Variants in PREX1 observed in about 807,000 individuals in gnomAD.
The protein encoded by PREX1 is phosphatidylinositol-3,4,5-trisphosphate dependent Rac exchange factor 1.
PREX1 carries 41 observed loss-of-function variants against 198.3 expected under a neutral mutation model. The ratio of observed to expected loss-of-function variants is 0.21; its 90% CI spans 0.16 to 0.27. The LOEUF (loss-of-function observed/expected upper bound fraction) is 0.27. Among genes scored for constraint, PREX1 ranks in the 10% least tolerant of loss-of-function variants. The probability of loss-of-function intolerance (pLI) is 1.00; values close to 1 mark genes in which losing one functional copy is unlikely to be tolerated. For synonymous variants in PREX1, 843 were observed against 887.2 expected (o/e 0.95, Z 0.89); for missense variants, 1,620 against 2,200.7 (o/e 0.74, Z 5.28).
At chr20:48,826,586 T>C (rs1338365619) in intron 1 of PREX1, among the ~76,000 whole-genome samples, 1 of 152,188 alleles carries the variant, frequency 6.6e-6, no homozygotes, top group Non-Finnish European at 1.5e-5. Context: ...CAGGACCCAG[T>C]AGCTCACGCC....
intron 1 of PREX1, among the ~76,000 whole-genome samples, chr20:48,810,458 C>A (rs907125232): frequency 1.3e-5 from 2 of 151,750 alleles, no homozygotes; most frequent in African/African-American, 4.8e-5. Context: ...GTGACACACA[C>A]CTGTAGTTAC....
intron 32 of PREX1, 34 bp downstream of exon 32, chr20:48,636,429 C>T: frequency 1.3e-6 from 2 of 1,558,700 alleles, no homozygotes; most frequent in South Asian, 2.3e-5. Flanking sequence ...AGTGGGTGGG[C>T]CAGCGGGGCC....
chr20:48,848,758 T>C, the PREX1 span, among the ~76,000 whole-genome samples: 59 of 152,080 alleles, frequency 3.9e-4, no homozygotes, highest in East Asian at 0.011. Context: ...GGGGGGGTGG[T>C]TGGAGTCTCG....
chr20:48,725,036 A>G (rs762740726), intron 5 of PREX1, among the ~76,000 whole-genome samples: 118 of 152,346 alleles, frequency 7.7e-4, no homozygotes, highest in Admixed American at 1.7e-3. Context: ...ACGGCTGCGC[A>G]CAGCAAAGTC....
rs149552334 is a variant in PREX1, at chr20:48,756,823, A to G, written c.220-8943T>C. On this transcript the variant is annotated intron_variant, in intron 1 of 39. Transcript: ENST00000371941. ...ATATACCAGAGACTGGGTAATTTAT[A>G]AAGAGGTTTAATTGACTCACAGTTC... is the stretch of plus-strand genomic sequence containing the variant. Among the ~76,000 whole-genome samples, 1,376 of 152,356 alleles carry G rather than the reference A, an allele frequency of 9.0e-3. 13 individuals are homozygous for G. Among genetic ancestry groups the G allele is most frequent in the Non-Finnish European group, 0.013 (873 of 68,034 alleles).
intron 31 of PREX1, among the ~76,000 whole-genome samples, chr20:48,637,010 T>C (rs1277008638): frequency 2.6e-5 from 4 of 152,272 alleles, no homozygotes; most frequent in Non-Finnish European, 5.9e-5. Context: ...CCTCTCATTA[T>C]GGGATTCCTT....
chr20:48,834,440 A>G, the PREX1 span, among the ~76,000 whole-genome samples: 1 of 152,154 alleles, frequency 6.6e-6, no homozygotes, highest in African/African-American at 2.4e-5. Context: ...CCCCAGTGGT[A>G]ACTTTTACTG....
chr20:48,744,943 G>A, intron 3 of PREX1, 82 bp downstream of exon 3: 2 of 1,542,016 alleles, frequency 1.3e-6, no homozygotes, highest in Non-Finnish European at 1.8e-6. Context: ...GGAAGCTGGT[G>A]AAGGCGGATG....
intron 1 of PREX1, among the ~76,000 whole-genome samples, chr20:48,756,141 A>G (rs1451573828): frequency 6.6e-6 from 1 of 152,246 alleles, no homozygotes; most frequent in Non-Finnish European, 1.5e-5. Context: ...GCTGCCGACC[A>G]GCCCTCCTTC....
intron 7 of PREX1, among the ~76,000 whole-genome samples, chr20:48,693,164 A>T (rs1308274702): frequency 6.6e-6 from 1 of 151,492 alleles, no homozygotes; most frequent in African/African-American, 2.4e-5. Context: ...CCAGAATGGA[A>T]GGAGGGCTTG....
intron 1 of PREX1, among the ~76,000 whole-genome samples, chr20:48,761,529 G>A (rs1311483581): frequency 4.1e-5 from 4 of 98,328 alleles, no homozygotes; most frequent in African/African-American, 1.6e-4. Flanking sequence ...ACCCCACCCC[G>A]CCCCGTTCCC....
At chr20:48,738,106 T>C (rs925751835) in intron 3 of PREX1, among the ~76,000 whole-genome samples, 1 of 152,006 alleles carries the variant, frequency 6.6e-6, no homozygotes, top group Admixed American at 6.6e-5. Flanking sequence ...TCCACAGAGA[T>C]GAAGGGAAGG....
intron 11 of PREX1, among the ~76,000 whole-genome samples, chr20:48,680,878 C>T (rs972044766): frequency 9.8e-5 from 13 of 133,140 alleles, no homozygotes; most frequent in South Asian, 2.7e-4. Flanking sequence ...GGCTCCATGA[C>T]GACAGGCACG....
intron 32 of PREX1, 75 bp from the exon 33 acceptor site, chr20:48,634,850 T>C: frequency 1.5e-6 from 2 of 1,315,586 alleles, no homozygotes; most frequent in Non-Finnish European, 1.1e-6. Context: ...GATGCTGAAT[T>C]CAACTCTAGT....
At chr20:48,855,540 C>T in the PREX1 span, among the ~76,000 whole-genome samples, 6,581 of 152,202 alleles carry the variant, frequency 0.043, 216 homozygotes, top group African/African-American at 0.088. Flanking sequence ...GACACAGCAC[C>T]GAACAAGGCA....
At chr20:48,681,873 T>C (rs2089753763) in intron 10 of PREX1, among the ~76,000 whole-genome samples, 1 of 150,542 alleles carries the variant, frequency 6.6e-6, no homozygotes, top group Admixed American at 6.6e-5. Flanking sequence ...CTAGATGGAG[T>C]GGTGGCTGGA....
At chr20:48,870,950 CAAAAAAAAAAAAA>C in the PREX1 span, among the ~76,000 whole-genome samples, 1 of 594 alleles carries the variant, frequency 1.7e-3, no homozygotes, top group East Asian at 0.05. Flanking sequence ...GACTCCATCT[CAAAAAAAAAAAAA>C]AAAAAAAAAA....
chr20:48,681,678 A>AGATAGATGGATGGATGGATG (rs1555834837), intron 10 of PREX1, among the ~76,000 whole-genome samples: 1 of 150,090 alleles, frequency 6.7e-6, no homozygotes, highest in African/African-American at 2.5e-5. Flanking sequence ...GTGACTACAT[A>AGATAGATGGATGGATGGATG]GATGGATGGA....
intron 1 of PREX1, among the ~76,000 whole-genome samples, chr20:48,819,954 G>C (rs559509594): frequency 2.0e-5 from 3 of 152,360 alleles, no homozygotes; most frequent in Admixed American, 6.5e-5. Flanking sequence ...TCCCAGCAAG[G>C]GGGGAAGCAC....
Sources: allele counts gnomAD v4.1 joint callset (sites outside exome capture counted in the v4.1 genomes callset), GRCh38; gene constraint gnomAD v4.1.1; transcripts MANE v1.5; gene names NCBI Gene and HGNC (gene_info 2026-07-23, HGNC 2026-07-21).